ITGB4: variants seen among roughly 807,000 people sequenced by gnomAD.
The protein encoded by ITGB4 is integrin subunit beta 4.
A neutral mutation model predicts 207.6 loss-of-function variants in ITGB4; 159 were observed. The ratio of observed to expected loss-of-function variants is 0.77; its 90% confidence interval spans 0.67 to 0.87. The LOEUF is 0.87. Ranked by LOEUF, ITGB4 falls within the 40% of genes least tolerant of loss-of-function variation. ITGB4 has a pLI of 0.00. For missense variants in ITGB4, 2,278 were observed against 2,546.8 expected, an observed-to-expected ratio of 0.89 and a Z score of 2.27; for synonymous variants, 1,020 against 1,062.7, an observed-to-expected ratio of 0.96 and a Z score of 0.78.
At position 75,731,876 on chromosome 17, in the gene ITGB4, C is replaced by G. The variant is rs752880384; in HGVS notation, c.1280C>G (p.Pro427Arg). 22 of 1,613,748 alleles carry G rather than the reference C, an allele frequency of 1.4e-5. No homozygotes were observed. Among genetic ancestry groups the G allele is most frequent in the Non-Finnish European group, 1.9e-5 (22 of 1,179,914 alleles). ...HVDGTHVCQL[P>R]EDQKGNIHLK... ...GATGGGACGCACGTGTGCCAGCTGCCGGAGGACCAGAAGGGCAACATCCAT... is the reference window on the plus strand; with the variant it reads ...GATGGGACGCACGTGTGCCAGCTGCGGGAGGACCAGAAGGGCAACATCCAT... Residue 427 changes from proline (P) to arginine (R), a missense_variant, in exon 11 of 40, where the codon CCG (proline) becomes CGG (arginine). Physicochemically the swap from Pro to Arg is moderately radical, Grantham distance 103. Coordinates refer to ENST00000200181, the MANE Select transcript of ITGB4 (RefSeq NM_000213.5). The surrounding 1 kb of genome is among the most constrained non-coding windows in gnomAD (Gnocchi z 6.8).
At chr17:75,753,365 C>T (rs2061412041) in intron 32 of ITGB4, among the ~76,000 whole-genome samples, 1 of 152,116 alleles carries the variant, frequency 6.6e-6, no homozygotes, top group South Asian at 2.1e-4. Flanking sequence ...CGGTGGCTTG[C>T]GGAACGGTCC....
chr17:75,737,664 C>T lies in ITGB4; in HGVS notation c.2220+20C>T, dbSNP rs2061012020. 1 of 1,600,854 alleles carries T rather than the reference C, an allele frequency of 6.2e-7. No homozygotes were observed. Among genetic ancestry groups the T allele is most frequent in the South Asian group, 1.1e-5 (1 of 90,816 alleles). On this transcript the variant is annotated intron_variant, in intron 18 of 39. Transcript: ENST00000200181. ...TGCAAGGTGAGCACCCAGGGTGCCT[C>T]CCAAGGCCCCACATCCCAGGGTCCC...
intron 12 of ITGB4, among the ~76,000 whole-genome samples, chr17:75,733,164 G>A (rs1233366361): frequency 7.9e-5 from 12 of 151,790 alleles, no homozygotes; most frequent in South Asian, 6.2e-4. Flanking sequence ...CGAGGTGGGC[G>A]GATCACAAGG....
At chr17:75,737,203 C>G (rs2060997182) in intron 16 of ITGB4, 119 bp from the exon 17 acceptor site, 1 of 1,308,832 alleles carries the variant, frequency 7.6e-7, no homozygotes, top group Non-Finnish European at 1.1e-6. Context: ...CCACTCTTCC[C>G]CAGGAGGCCC....
intron 34 of ITGB4, chr17:75,755,023 G>A (rs1489266177): frequency 1.3e-6 from 2 of 1,585,186 alleles, no homozygotes; most frequent in Non-Finnish European, 1.7e-6. Flanking sequence ...CACACTCCCT[G>A]CTCCTCTCAC....
Position 75,731,696 on chromosome 17 carries a change from T to C in ITGB4, c.1216-116T>C, listed in dbSNP as rs2060862083. 2 of 1,158,622 alleles carry C rather than the reference T, an allele frequency of 1.7e-6. No homozygotes were observed. Among genetic ancestry groups the C allele is most frequent in the South Asian group, 3.2e-5 (2 of 62,774 alleles). The allele number at this position is 1,158,622 out of a possible 1,614,324, so 71.8% of individuals were successfully genotyped here. On this transcript the variant is annotated intron_variant, in intron 10 of 39. Coordinates refer to ENST00000200181, the MANE Select transcript of ITGB4 (RefSeq NM_000213.5). The surrounding 1 kb of genome is among the most constrained non-coding windows in gnomAD (Gnocchi z 6.8). Reference sequence around the variant, plus strand: ...AGCCCTGAGGGAGGTGAGCAGGAGCTCATTTCAGGGATCCAGACATCTCCT... The same window carrying C: ...AGCCCTGAGGGAGGTGAGCAGGAGCCCATTTCAGGGATCCAGACATCTCCT...
rs2148451765 is a variant in ITGB4 at position 75,724,690 on chromosome 17, G to A, written c.-10-4G>A. Reference sequence around the variant, plus strand: ...CTCATGTGTCAATTGTTGCTGTTCTGCAGGAGGAAGAGGATGGCAGGGCCA... The same window carrying A: ...CTCATGTGTCAATTGTTGCTGTTCTACAGGAGGAAGAGGATGGCAGGGCCA... On this transcript the variant is annotated splice_polypyrimidine_tract_variant and splice_region_variant and intron_variant, in intron 1 of 39. Transcript: ENST00000200181. The A allele has an allele frequency of 1.2e-6, 2 of 1,610,894 alleles. No individual in the cohort carries two copies. The highest frequency in any genetic ancestry group is 1.3e-5 in the African/African-American group (1 of 75,024).
At chr17:75,743,947 C>A in intron 26 of ITGB4, 86 bp downstream of exon 26, 1 of 1,402,592 alleles carries the variant, frequency 7.1e-7, no homozygotes, top group Non-Finnish European at 9.7e-7. Flanking sequence ...CAGCACATGG[C>A]AGCTGCTTGA....
intron 1 of ITGB4, among the ~76,000 whole-genome samples, chr17:75,723,586 C>T (rs1388044215): frequency 3.9e-5 from 6 of 152,242 alleles, no homozygotes; most frequent in Non-Finnish European, 5.9e-5. Flanking sequence ...CATGTGTTGG[C>T]GCTGCTGTGG....
intron 32 of ITGB4, 137 bp from the exon 33 acceptor site, chr17:75,753,628 C>G (rs1042977634): frequency 9.6e-6 from 5 of 520,886 alleles, no homozygotes; most frequent in African/African-American, 7.9e-5. Context: ...GCATCTACCC[C>G]CGCCCCCAAC....
intron 35 of ITGB4, among the ~76,000 whole-genome samples, 168 bp from the exon 36 acceptor site, chr17:75,756,261 A>G (rs1389879778): frequency 6.6e-6 from 1 of 152,116 alleles, no homozygotes; most frequent in Non-Finnish European, 1.5e-5. Flanking sequence ...TGTATAGTAC[A>G]CAATCTGAAC....
rs1360248709 is a variant in ITGB4 at position 75,740,347 on chromosome 17, C to T, written c.2447-11C>T. 1.9e-6 allele frequency: 3 copies of T among 1,610,752 alleles called. No individual in the cohort carries two copies. Among genetic ancestry groups the T allele is most frequent in the East Asian group, 2.2e-5 (1 of 44,874 alleles). On this transcript the variant is annotated splice_polypyrimidine_tract_variant and intron_variant, in intron 20 of 39. Transcript: ENST00000200181. The surrounding 1 kb of genome is among the most constrained non-coding windows in gnomAD (Gnocchi z 5.9). ...ACCTCCATCTCACCCCCTCCCACCG[C>T]CTTTCCTTAGTGCCCTACGGGCTGT...
At position 75,729,251 on chromosome 17, in the gene ITGB4, C is replaced by A; in HGVS notation, c.567-14C>A. On this transcript the variant is annotated splice_polypyrimidine_tract_variant and intron_variant, in intron 6 of 39. Coordinates refer to ENST00000200181, the MANE Select transcript of ITGB4 (RefSeq NM_000213.5). The surrounding 1 kb of genome is among the most constrained non-coding windows in gnomAD (Gnocchi z 4.4). ...CCCCCTGTGACACTCTCTCTCCCTC[C>A]CACCTCTGCCCAGGCTGAAGGAGCC... 1 of 1,613,474 alleles carries A rather than the reference C, an allele frequency of 6.2e-7. No homozygotes were observed. The highest frequency in any genetic ancestry group is 8.5e-7 in the Non-Finnish European group (1 of 1,179,476).
chr17:75,742,382 G>T lies in ITGB4; in HGVS notation c.2675G>T (p.Arg892Leu). ...TIVDTVLMAP[R>L]SAKPALLKLT... ...GTGGACACAGTGCTGATGGCGCCCC[G>T]CTCGGCCAAGCCGGCCCTGCTGAAG... is the stretch of plus-strand genomic sequence containing the variant. The change falls in exon 24 of 40, where the codon CGC (arginine) becomes CTC (leucine). Residue 892 changes from arginine to leucine, a missense_variant. Transcript: ENST00000200181. This position sits in a 1 kb window ranked among gnomAD's most constrained non-coding sequence, Gnocchi z 5.9. The T allele has an allele frequency of 6.2e-7, 1 of 1,613,362 alleles. No individual in the cohort carries two copies. Among genetic ancestry groups the T allele is most frequent in the Non-Finnish European group, 8.5e-7 (1 of 1,180,008 alleles).
rs542963294 is a variant in ITGB4 at position 75,734,287 on chromosome 17, C to T, written c.1657+595C>T. Among the ~76,000 whole-genome samples, 3 of 152,082 alleles carry T rather than the reference C, an allele frequency of 2.0e-5. No individual in the cohort carries two copies. The East Asian group carries it at 5.8e-4, about 29-fold the overall frequency. On this transcript the variant is annotated intron_variant, in intron 13 of 39. Coordinates refer to ENST00000200181, the MANE Select transcript of ITGB4 (RefSeq NM_000213.5). ...TAGTAGGTGGGACTATAGGCATGCA[C>T]CACCATGCCCAGCTAATTTTGTATT... is the stretch of plus-strand genomic sequence containing the variant.
In ITGB4 at chr17:75,740,492, G is replaced by A; in HGVS notation, c.2550+31G>A. Reference sequence around the variant, plus strand: ...GACCCAGGAACTAGGCCTGGCCGGAGATGTGGGTATGAGGGCGGGTGAGGT... The same window carrying A: ...GACCCAGGAACTAGGCCTGGCCGGAAATGTGGGTATGAGGGCGGGTGAGGT... On this transcript the variant is annotated intron_variant, in intron 21 of 39. Coordinates refer to ENST00000200181, the MANE Select transcript of ITGB4 (RefSeq NM_000213.5). This position sits in a 1 kb window ranked among gnomAD's most constrained non-coding sequence, Gnocchi z 5.9. 1 of 1,497,604 alleles carries A rather than the reference G, an allele frequency of 6.7e-7. No homozygotes were observed. The highest frequency in any genetic ancestry group is 1.1e-5 in the South Asian group (1 of 88,464). The allele number at this position is 1,497,604 out of a possible 1,614,324, so 92.8% of individuals were successfully genotyped here.
At chr17:75,736,870 C>A (rs1259859645) in intron 16 of ITGB4, among the ~76,000 whole-genome samples, 176 bp downstream of exon 16, 4 of 152,004 alleles carry the variant, frequency 2.6e-5, no homozygotes, top group African/African-American at 9.7e-5. Context: ...CACCGAATCC[C>A]AGAAAAGGGT....
chr17:75,726,866 G>T (rs2060728428), intron 2 of ITGB4, among the ~76,000 whole-genome samples: 1 of 152,230 alleles, frequency 6.6e-6, no homozygotes, highest in Admixed American at 6.5e-5. Context: ...AAGGTCAGGA[G>T]ATCGAGACCA....
At chr17:75,730,113 C>T (rs950462676) in intron 7 of ITGB4, 128 bp from the exon 8 acceptor site, 18 of 1,235,768 alleles carry the variant, frequency 1.5e-5, no homozygotes, top group African/African-American at 1.2e-4. Context: ...CATGAGGGCA[C>T]TTGCTGTGAA....
Sources: gnomAD v4.1 joint callset for allele counts (sites outside exome capture counted in the v4.1 genomes callset) on GRCh38, gnomAD v4.1.1 for gene constraint, Gnocchi (gnomAD v3.1) non-coding constraint, MANE v1.5 for transcripts, NCBI Gene and HGNC (gene_info 2026-07-23, HGNC 2026-07-21) for gene names.